The following RGS6 variants were observed in gnomAD, a reference collection of about 807,000 sequenced individuals.
RGS6 encodes the protein regulator of G-protein signaling 6.
RGS6 carries 30 observed loss-of-function variants against 78.5 expected under a neutral mutation model. The observed-to-expected ratio is 0.38, with a 90% CI of 0.29 to 0.52. The LOEUF is 0.52. Ranked by LOEUF, RGS6 falls within the 20% of genes least tolerant of loss-of-function variation. The probability of loss-of-function intolerance (pLI) is 0.85; values close to 1 mark genes in which losing one functional copy is unlikely to be tolerated. For missense variants in RGS6, 495 were observed against 609.7 expected, an observed-to-expected ratio of 0.81 and a Z score of 1.98; for synonymous variants, 206 against 206.0, an observed-to-expected ratio of 1.00 and a Z score of 0.00.
chr14:72,350,802 A>G (rs921164322), intron 2 of RGS6, among the ~76,000 whole-genome samples: 4 of 152,140 alleles, frequency 2.6e-5, no homozygotes, highest in Admixed American at 1.3e-4. Context: ...TTGTTTCTTT[A>G]TGTGAAAAAA....
intron 2 of RGS6, among the ~76,000 whole-genome samples, chr14:72,148,380 A>G (rs998603430): frequency 7.2e-5 from 11 of 152,208 alleles, no homozygotes; most frequent in Admixed American, 3.3e-4. Context: ...CCTGGGCAAC[A>G]GAGTGAGACC....
intron 15 of RGS6, among the ~76,000 whole-genome samples, chr14:72,535,895 A>G (rs576777865): frequency 6.6e-6 from 1 of 152,200 alleles, no homozygotes; most frequent in Non-Finnish European, 1.5e-5. Context: ...CCTCATTGCC[A>G]TGTCTGGTTT....
At chr14:72,244,485 C>T (rs2053716565) in intron 2 of RGS6, among the ~76,000 whole-genome samples, 1 of 152,174 alleles carries the variant, frequency 6.6e-6, no homozygotes, top group South Asian at 2.1e-4. Flanking sequence ...GACGTGACTG[C>T]ACCGGATCTT....
At chr14:71,897,155 C>G in the RGS6 span, among the ~76,000 whole-genome samples, 5 of 152,242 alleles carry the variant, frequency 3.3e-5, no homozygotes, top group Admixed American at 2.6e-4. Flanking sequence ...TAGTGCTAGG[C>G]ACATAGTAGG....
chr14:72,603,700 T>C, the RGS6 span, among the ~76,000 whole-genome samples: 1 of 48,370 alleles, frequency 2.1e-5, no homozygotes, highest in South Asian at 5.0e-4. Flanking sequence ...CAGGGATAGG[T>C]AAAACATAGA....
rs997627570 is a variant in RGS6 at position 72,147,948 on chromosome 14, G to A, written c.84+183073G>A. ...AGATTGAGACCATCCTGGCTAACAT[G>A]GTGAAACCCCATCTCTACTAAAAAT... On this transcript the variant is annotated intron_variant, in intron 2 of 17. Transcript: ENST00000553525. Among the ~76,000 whole-genome samples the A allele has an allele frequency of 7.9e-5, 12 of 152,036 alleles. 1 individual carries two copies. In the South Asian group the frequency reaches 1.0e-3, roughly 13 times the overall value.
intron 2 of RGS6, among the ~76,000 whole-genome samples, chr14:72,154,787 G>A (rs1046010458): frequency 3.3e-5 from 5 of 152,080 alleles, no homozygotes; most frequent in East Asian, 1.9e-4. Flanking sequence ...TCTGATTGCC[G>A]TTTTCCCCAG....
intron 2 of RGS6, among the ~76,000 whole-genome samples, chr14:72,254,516 G>A (rs1184294108): frequency 2.6e-5 from 4 of 151,958 alleles, no homozygotes; most frequent in Non-Finnish European, 5.9e-5. Context: ...CTTCTCCTAG[G>A]TCTGGTTAAT....
At chr14:72,026,695 A>G (rs2089930668) in intron 2 of RGS6, among the ~76,000 whole-genome samples, 1 of 152,234 alleles carries the variant, frequency 6.6e-6, no homozygotes, top group African/African-American at 2.4e-5. Flanking sequence ...CTAAGCCATC[A>G]GCCATCTGTC....
chr14:72,253,110 G>A (rs982272156), intron 2 of RGS6, among the ~76,000 whole-genome samples: 1 of 152,222 alleles, frequency 6.6e-6, no homozygotes. Context: ...TTGGCCATGT[G>A]ACTTGCTTTG....
intron 16 of RGS6, among the ~76,000 whole-genome samples, chr14:72,536,990 T>G (rs1254887967): frequency 1.3e-5 from 2 of 151,944 alleles, no homozygotes; most frequent in Non-Finnish European, 2.9e-5. Flanking sequence ...AGGAATAAAT[T>G]CAGCTAGATT....
chr14:72,192,849 T>C (rs924278559), intron 2 of RGS6, among the ~76,000 whole-genome samples: 19 of 152,222 alleles, frequency 1.2e-4, no homozygotes, highest in Admixed American at 4.6e-4. Flanking sequence ...CTGGCTTCCA[T>C]GGAGGCATTG....
At chr14:71,905,156 A>T in the RGS6 span, among the ~76,000 whole-genome samples, 1 of 152,182 alleles carries the variant, frequency 6.6e-6, no homozygotes, top group African/African-American at 2.4e-5. Flanking sequence ...GCCCTTGATC[A>T]GTTTCTTTTT....
At chr14:72,279,206 G>C (rs1056182135) in intron 2 of RGS6, among the ~76,000 whole-genome samples, 3 of 151,954 alleles carry the variant, frequency 2.0e-5, no homozygotes, top group African/African-American at 7.2e-5. Context: ...GTGGGAACCT[G>C]TGAGGTTGGA....
At chr14:72,489,770 C>T (rs2096553532) in intron 12 of RGS6, among the ~76,000 whole-genome samples, 1 of 152,094 alleles carries the variant, frequency 6.6e-6, no homozygotes, top group Non-Finnish European at 1.5e-5. Context: ...TGAAATTATC[C>T]CCTAGAGCCT....
At chr14:72,085,675 G>A (rs771573530) in intron 2 of RGS6, among the ~76,000 whole-genome samples, 15 of 151,966 alleles carry the variant, frequency 9.9e-5, no homozygotes, top group African/African-American at 1.4e-4. Flanking sequence ...CCAACATGGC[G>A]AAACCTCATC....
At chr14:72,095,047 A>G (rs1328680630) in intron 2 of RGS6, among the ~76,000 whole-genome samples, 1 of 152,084 alleles carries the variant, frequency 6.6e-6, no homozygotes, top group African/African-American at 2.4e-5. Flanking sequence ...GAGGCTATTT[A>G]AATGACAGGT....
rs962028896 is a variant in RGS6 at position 72,475,332 on chromosome 14, C to T, written c.693+633C>T. Among the ~76,000 whole-genome samples, 7 of 151,456 alleles carry T rather than the reference C, an allele frequency of 4.6e-5. No individual in the cohort carries two copies. In the East Asian group the frequency reaches 1.2e-3, roughly 25 times the overall value. On this transcript the variant is annotated intron_variant, in intron 10 of 17. Coordinates refer to ENST00000553525, the MANE Select transcript of RGS6 (RefSeq NM_001204424.2). ...AAAGGAGTAGTGGTCACAGCATACC[C>T]GAGGGTGCCATGCTCAGACTCCCCC...
At chr14:72,347,069 C>T (rs1244633311) in intron 2 of RGS6, among the ~76,000 whole-genome samples, 3 of 152,210 alleles carry the variant, frequency 2.0e-5, no homozygotes, top group Admixed American at 6.5e-5. Context: ...GGTTTCTCTG[C>T]ATCGTTTGGC....
Sources: allele counts gnomAD v4.1 joint callset (sites outside exome capture counted in the v4.1 genomes callset), GRCh38; gene constraint gnomAD v4.1.1; transcripts MANE v1.5; gene names NCBI Gene and HGNC (gene_info 2026-07-23, HGNC 2026-07-21).